Variants in SEMA3A observed in about 807,000 individuals in gnomAD.
SEMA3A encodes the protein semaphorin 3A.
In SEMA3A, 29 loss-of-function variants were observed where a neutral mutation model predicts 97.9. That is an observed-to-expected ratio of 0.30 (90% CI 0.22 to 0.40). The LOEUF (loss-of-function observed/expected upper bound fraction) is 0.40. Among genes scored for constraint, SEMA3A ranks in the 10% least tolerant of loss-of-function variants. SEMA3A has a pLI of 1.00. For synonymous variants in SEMA3A, 321 were observed against 323.7 expected, an observed-to-expected ratio of 0.99 and a Z score of 0.09; for missense variants, 763 against 951.3, an observed-to-expected ratio of 0.80 and a Z score of 2.60.
At chr7:84,243,593 A>AT (rs1419190282) in intron 3 of SEMA3A, among the ~76,000 whole-genome samples, 2 of 151,220 alleles carry the variant, frequency 1.3e-5, no homozygotes, top group African/African-American at 2.5e-5. Flanking sequence ...TTTGCAAAAA[A>AT]CCAGCTTCTG....
intron 3 of SEMA3A, among the ~76,000 whole-genome samples, chr7:84,227,935 G>A (rs946645687): frequency 2.6e-5 from 4 of 151,752 alleles, no homozygotes; most frequent in African/African-American, 9.7e-5. Flanking sequence ...GGGAGTGGGG[G>A]GCGGGGGCAG....
intron 3 of SEMA3A, among the ~76,000 whole-genome samples, chr7:84,272,880 A>T (rs948135655): frequency 6.6e-6 from 1 of 152,120 alleles, no homozygotes; most frequent in Non-Finnish European, 1.5e-5. Flanking sequence ...ATGTAAACGC[A>T]ATTATTTACA....
At chr7:83,989,565 G>C (rs1437935070) in intron 12 of SEMA3A, among the ~76,000 whole-genome samples, 1 of 136,538 alleles carries the variant, frequency 7.3e-6, no homozygotes, top group East Asian at 2.2e-4. Context: ...AGAATATGCG[G>C]TGTTTGGTTT....
intron 3 of SEMA3A, among the ~76,000 whole-genome samples, chr7:84,290,442 T>G (rs1004381779): frequency 2.6e-5 from 4 of 151,686 alleles, no homozygotes; most frequent in African/African-American, 9.7e-5. Flanking sequence ...AAAAGTTGTT[T>G]TTTTTTTCCT....
intron 2 of SEMA3A, among the ~76,000 whole-genome samples, chr7:84,335,915 G>A (rs1028877203): frequency 2.0e-5 from 3 of 151,644 alleles, no homozygotes; most frequent in Non-Finnish European, 4.4e-5. Context: ...AAAATTTATT[G>A]AGCTATTTTA....
chr7:84,277,124 GT>G (rs2115727018), intron 3 of SEMA3A, among the ~76,000 whole-genome samples: 1 of 152,216 alleles, frequency 6.6e-6, no homozygotes, highest in South Asian at 2.1e-4. Flanking sequence ...CATGTCTACA[GT>G]TGTATGAGTC....
chr7:84,477,478 T>A (rs1342002471), intron 1 of SEMA3A, among the ~76,000 whole-genome samples: 2 of 151,426 alleles, frequency 1.3e-5, no homozygotes, highest in Non-Finnish European at 2.9e-5. Flanking sequence ...TAAAATATTC[T>A]TTGCATAAAA....
intron 1 of SEMA3A, among the ~76,000 whole-genome samples, chr7:84,485,064 A>G (rs529568189): frequency 6.6e-6 from 1 of 152,206 alleles, no homozygotes; most frequent in Non-Finnish European, 1.5e-5. Context: ...GAAATGACAA[A>G]TCTACCTTTA....
chr7:84,086,555 ATAT>A (rs1338685163), intron 4 of SEMA3A, among the ~76,000 whole-genome samples: 14 of 78,340 alleles, frequency 1.8e-4, no homozygotes, highest in South Asian at 1.3e-3. Flanking sequence ...TACATATAAT[ATAT>A]TATTATATTA....
At chr7:84,365,268 A>G (rs1024205833) in intron 2 of SEMA3A, among the ~76,000 whole-genome samples, 2 of 151,560 alleles carry the variant, frequency 1.3e-5, no homozygotes, top group African/African-American at 4.8e-5. Flanking sequence ...ATGTTTGGAA[A>G]GAACTATCAT....
chr7:84,204,960 A>AT (rs1798452421), intron 3 of SEMA3A, among the ~76,000 whole-genome samples: 1 of 152,202 alleles, frequency 6.6e-6, no homozygotes, highest in African/African-American at 2.4e-5. Context: ...CTTGCACAGA[A>AT]AGAATCGTAT....
chr7:84,151,911 C>T (rs1272388796), intron 1 of SEMA3A, among the ~76,000 whole-genome samples: 1 of 152,138 alleles, frequency 6.6e-6, no homozygotes, highest in Non-Finnish European at 1.5e-5. Flanking sequence ...CAAAAGGAGA[C>T]ATTTATGCAG....
At chr7:84,256,624 T>C (rs1220893642) in intron 3 of SEMA3A, among the ~76,000 whole-genome samples, 4 of 152,052 alleles carry the variant, frequency 2.6e-5, no homozygotes, top group Middle Eastern at 3.2e-3. Flanking sequence ...GGGTTACTGT[T>C]TATCATAATG....
At chr7:84,114,843 T>C (rs1462773371) in intron 3 of SEMA3A, among the ~76,000 whole-genome samples, 1 of 152,128 alleles carries the variant, frequency 6.6e-6, no homozygotes, top group Admixed American at 6.6e-5. Flanking sequence ...AATACTTCAC[T>C]ATTCACTAAA....
At chr7:83,970,623 T>G (rs1056372391) in intron 15 of SEMA3A, among the ~76,000 whole-genome samples, 1 of 152,210 alleles carries the variant, frequency 6.6e-6, no homozygotes, top group Non-Finnish European at 1.5e-5. Flanking sequence ...TCTACTTTAT[T>G]GTAAGTTTAA....
intron 1 of SEMA3A, among the ~76,000 whole-genome samples, chr7:84,142,574 A>G (rs140990972): frequency 4.4e-4 from 67 of 152,264 alleles, no homozygotes; most frequent in Non-Finnish European, 7.9e-4. Flanking sequence ...ATTTTGGAAA[A>G]TACTAAGAAC....
At chr7:84,043,237 G>A (rs1009701771) in intron 6 of SEMA3A, among the ~76,000 whole-genome samples, 1 of 152,048 alleles carries the variant, frequency 6.6e-6, no homozygotes, top group East Asian at 1.9e-4. Context: ...ATCTGAAAGT[G>A]TTATTCATTC....
In SEMA3A at chr7:84,213,131, C is replaced by T. The variant is rs191666566; in HGVS notation, c.-82-18463G>A. Among the ~76,000 whole-genome samples, 311 of 152,128 alleles carry T rather than the reference C, an allele frequency of 2.0e-3. 1 individual carries two copies. The highest frequency in any genetic ancestry group is 3.6e-3 in the Non-Finnish European group (246 of 67,988). On this transcript the variant is annotated intron_variant, in intron 3 of 3. Transcript: ENST00000424555. ...CAGCTGGGATTACAGGCATGTGCCA[C>T]CATGCCCGGCTAATGTTGTATTTTT...
At chr7:84,441,133 G>A (rs939093219) in intron 1 of SEMA3A, among the ~76,000 whole-genome samples, 3 of 151,626 alleles carry the variant, frequency 2.0e-5, no homozygotes, top group African/African-American at 7.3e-5. Context: ...ACTCCAGCCT[G>A]AGCAACAAGA....
Sources: gnomAD v4.1 joint callset for allele counts (sites outside exome capture counted in the v4.1 genomes callset) on GRCh38, gnomAD v4.1.1 for gene constraint, MANE v1.5 for transcripts, NCBI Gene and HGNC (gene_info 2026-07-23, HGNC 2026-07-21) for gene names.